The following CORO7 variants were observed in gnomAD, a reference collection of about 807,000 sequenced individuals.
The protein encoded by CORO7 is coronin-7.
A neutral mutation model predicts 126.6 loss-of-function variants in CORO7; 107 were observed. The ratio of observed to expected loss-of-function variants is 0.85; its 90% CI spans 0.72 to 0.99. The LOEUF is 0.99. Among genes scored for constraint, CORO7 ranks in the 50% least tolerant of loss-of-function variants. The pLI is 0.00. For missense variants in CORO7, 1,314 were observed against 1,255.8 expected (o/e 1.05, Z -0.70); for synonymous variants, 603 against 536.8 (o/e 1.12, Z -1.70).
chr16:4,366,732 A>G (rs1280420636), intron 9 of CORO7, among the ~76,000 whole-genome samples: 1 of 151,642 alleles, frequency 6.6e-6, no homozygotes, highest in Non-Finnish European at 1.5e-5. Flanking sequence ...TTGTAGAAAC[A>G]AGGTCTCACT....
chr16:4,395,235 GTCCTCA>G (rs1265030032), intron 7 of CORO7, 48 bp downstream of exon 7: 6 of 1,612,860 alleles, frequency 3.7e-6, no homozygotes, highest in Non-Finnish European at 5.1e-6. Context: ...GAACCACTGG[GTCCTCA>G]GCCTCAGTGG....
At chr16:4,413,475 G>T (rs1203599053) in intron 1 of CORO7, 71 bp from the exon 2 acceptor site, 1 of 1,425,106 alleles carries the variant, frequency 7.0e-7, no homozygotes, top group Non-Finnish European at 9.6e-7. Context: ...TAAAGCAAGA[G>T]GTGGGGCATA....
chr16:4,404,200 G>C (rs1456406838), intron 6 of CORO7, among the ~76,000 whole-genome samples: 1 of 152,216 alleles, frequency 6.6e-6, no homozygotes, highest in Non-Finnish European at 1.5e-5. Context: ...TCCCTGCCCT[G>C]CTAGCTCCTG....
intron 9 of CORO7, among the ~76,000 whole-genome samples, chr16:4,385,454 ACACT>A (rs1165616955): frequency 6.6e-6 from 1 of 152,130 alleles, no homozygotes; most frequent in African/African-American, 2.4e-5. Context: ...AGGCATTCAC[ACACT>A]CATCCCCGCT....
At chr16:4,369,202 C>T (rs1372005797) in intron 9 of CORO7, among the ~76,000 whole-genome samples, 1 of 152,272 alleles carries the variant, frequency 6.6e-6, no homozygotes, top group Non-Finnish European at 1.5e-5. Flanking sequence ...GCCATCTGGA[C>T]AACTCTGCCA....
At chr16:4,375,169 A>G (rs2054675307) in intron 9 of CORO7, among the ~76,000 whole-genome samples, 1 of 152,292 alleles carries the variant, frequency 6.6e-6, no homozygotes, top group Admixed American at 6.5e-5. Flanking sequence ...GGCCTTAGTC[A>G]CTGGTCTCCC....
chr16:4,357,736 G>T, intron 25 of CORO7: 1 of 662,894 alleles, frequency 1.5e-6, no homozygotes. Context: ...CCCTGCCCTA[G>T]ACACCACAGT....
chr16:4,377,265 C>T (rs947704045), intron 9 of CORO7, among the ~76,000 whole-genome samples: 6 of 151,938 alleles, frequency 3.9e-5, no homozygotes, highest in African/African-American at 1.5e-4. Flanking sequence ...CTCCGGAACA[C>T]CTCCTGCACC....
rs1322117270 is a variant in CORO7 at position 4,376,312 on chromosome 16, C to T, written c.786-10767G>A. Among the ~76,000 whole-genome samples the T allele has an allele frequency of 2.6e-5, 4 of 152,334 alleles. No homozygotes were observed. In the East Asian group the frequency reaches 5.8e-4, roughly 22 times the overall value. ...GTCCTGGCCGCCGGCACAGTCCCGC[C>T]TGCCTGGAGGGGTTGGCAGACTCCC... On this transcript the variant is annotated intron_variant, in intron 9 of 27. Transcript: ENST00000251166.
At chr16:4,356,061 C>T (rs1016566813) in intron 26 of CORO7, among the ~76,000 whole-genome samples, 13 of 152,066 alleles carry the variant, frequency 8.5e-5, no homozygotes, top group Non-Finnish European at 1.6e-4. Context: ...TCAAGCGATT[C>T]TCCTGCCTCA....
At chr16:4,395,023 C>T (rs2055532487) in intron 7 of CORO7, among the ~76,000 whole-genome samples, 1 of 152,194 alleles carries the variant, frequency 6.6e-6, no homozygotes, top group Non-Finnish European at 1.5e-5. Flanking sequence ...AGATCGCTGC[C>T]TGAAGCCACA....
Position 4,408,063 on chromosome 16 carries a change from G to A in CORO7, c.303+118C>T, listed in dbSNP as rs917861864. ...TTCAGACCAGCCCCGCAGCCCTGGGGAGTGGGGTGGGGCTGGACTGGGAGG... is the reference window on the plus strand; with the variant it reads ...TTCAGACCAGCCCCGCAGCCCTGGGAAGTGGGGTGGGGCTGGACTGGGAGG... On this transcript the variant is annotated intron_variant, in intron 4 of 27. Coordinates refer to ENST00000251166, the MANE Select transcript of CORO7 (RefSeq NM_024535.5). 6.7e-5 allele frequency: 98 copies of A among 1,453,258 alleles called. No individual in the cohort carries two copies. In the African/African-American group the frequency reaches 1.1e-3, roughly 17 times the overall value. The allele number at this position is 1,453,258 out of a possible 1,614,324, so 90.0% of individuals were successfully genotyped here.
rs376334676 is a variant in CORO7, at chr16:4,389,460, G to T, written c.616-829C>A. Among the ~76,000 whole-genome samples the T allele has an allele frequency of 2.0e-5, 3 of 152,190 alleles. No homozygotes were observed. In the South Asian group the frequency reaches 6.2e-4, roughly 31 times the overall value. ...CCCCAAACCATGGCCAGCTTCCTCC[G>T]AACTTCCCACGATCTCCTTGGGAAT... is the stretch of plus-strand genomic sequence containing the variant. On this transcript the variant is annotated intron_variant, in intron 7 of 27. Coordinates refer to ENST00000251166, the MANE Select transcript of CORO7 (RefSeq NM_024535.5).
At chr16:4,388,803 C>T (rs928612961) in intron 7 of CORO7, among the ~76,000 whole-genome samples, 172 bp from the exon 8 acceptor site, 3 of 152,140 alleles carry the variant, frequency 2.0e-5, no homozygotes, top group Non-Finnish European at 4.4e-5. Context: ...GGGTGGTCTC[C>T]GAAGCACCCC....
chr16:4,355,277 A>C lies in CORO7; in HGVS notation c.2772+9T>G, dbSNP rs1308958883. 2 of 1,613,306 alleles carry C rather than the reference A, an allele frequency of 1.2e-6. No homozygotes were observed. Among genetic ancestry groups the C allele is most frequent in the South Asian group, 2.2e-5 (2 of 90,926 alleles). On this transcript the variant is annotated intron_variant, in intron 27 of 27. Coordinates refer to ENST00000251166, the MANE Select transcript of CORO7 (RefSeq NM_024535.5). ...TGCCTGCCGGGAAGTGAGGCCACTC[A>C]CTACTCACCCACTCGTCCTCGTCCA...
chr16:4,359,794 C>G (rs565992794), intron 21 of CORO7, among the ~76,000 whole-genome samples, 173 bp from the exon 22 acceptor site: 34 of 152,062 alleles, frequency 2.2e-4, no homozygotes, highest in African/African-American at 7.7e-4. Context: ...TCCCCATTGA[C>G]TCTTTCTCCT....
At chr16:4,395,143 TG>T in intron 7 of CORO7, 145 bp downstream of exon 7, 2 of 1,071,452 alleles carry the variant, frequency 1.9e-6, no homozygotes, top group Non-Finnish European at 2.7e-6. Context: ...CTCCCAGCAG[TG>T]GTGGTCCACC....
chr16:4,400,431 C>T (rs998159469), intron 6 of CORO7, among the ~76,000 whole-genome samples: 14 of 152,074 alleles, frequency 9.2e-5, no homozygotes, highest in African/African-American at 1.4e-4. Context: ...GTCAGGAGTT[C>T]GAGATCAGCC....
Position 4,365,558 on chromosome 16 carries a change from G to T in CORO7, c.786-13C>A, listed in dbSNP as rs1312375934. The T allele has an allele frequency of 3.2e-6, 5 of 1,574,084 alleles. No homozygotes were observed. The East Asian group carries it at 1.2e-4, about 37-fold the overall frequency. On this transcript the variant is annotated splice_polypyrimidine_tract_variant and intron_variant, in intron 9 of 27. Transcript: ENST00000251166. ...AGGCACGAGACACCTGGGGAAGAGA[G>T]GGCAAGATGGCGGGTCAGGGCAGTG...
Sources: gnomAD v4.1 joint callset for allele counts (sites outside exome capture counted in the v4.1 genomes callset) on GRCh38, gnomAD v4.1.1 for gene constraint, MANE v1.5 for transcripts, NCBI Gene and HGNC (gene_info 2026-07-23, HGNC 2026-07-21) for gene names.